The following ADAMTS20 variants were observed in gnomAD, a reference collection of about 807,000 sequenced individuals.
ADAMTS20 encodes the protein A disintegrin and metalloproteinase with thrombospondin motifs 20.
A neutral mutation model predicts 260.1 loss-of-function variants in ADAMTS20; 225 were observed. The ratio of observed to expected loss-of-function variants is 0.87; its 90% CI spans 0.78 to 0.97. The LOEUF is 0.97. ADAMTS20 is among the 50% of genes least tolerant of loss of function. The pLI, the probability that ADAMTS20 is intolerant of heterozygous loss-of-function variation, is 0.00. For missense variants in ADAMTS20, 2,400 were observed against 2,337.7 expected, an observed-to-expected ratio of 1.03 and a Z score of -0.55; for synonymous variants, 802 against 769.5, an observed-to-expected ratio of 1.04 and a Z score of -0.70.
At position 43,432,670 on chromosome 12, in the gene ADAMTS20, T is replaced by G. The variant is rs761738770; in HGVS notation, c.2862A>C (p.Lys954Asn). ...CATGGCATAGTTCTTGGGTAGGAGG[T>G]TTAAGCTGGTCACCACAGTAGTGGT... ...VDDHYCGDQL[K>N]PPTQELCHGN... Residue 954 changes from lysine to asparagine, a missense_variant, in exon 20 of 39, where the codon AAA (lysine) becomes AAC (asparagine). Transcript: ENST00000389420. 7.4e-6 allele frequency: 12 copies of G among 1,613,834 alleles called. No homozygotes were observed. The East Asian group carries it at 2.7e-4, about 36-fold the overall frequency.
intron 36 of ADAMTS20, among the ~76,000 whole-genome samples, chr12:43,371,388 G>A (rs966244614): frequency 1.2e-4 from 19 of 152,082 alleles, no homozygotes; most frequent in African/African-American, 2.4e-4. Context: ...TAGATATTGC[G>A]AACACAACAG....
chr12:43,364,280 T>C (rs1939936293), intron 37 of ADAMTS20, among the ~76,000 whole-genome samples: 1 of 152,054 alleles, frequency 6.6e-6, no homozygotes, highest in Admixed American at 6.6e-5. Flanking sequence ...GTTGCTAAAA[T>C]ACAGTACCTG....
intron 11 of ADAMTS20, among the ~76,000 whole-genome samples, chr12:43,458,928 C>T (rs1207799011): frequency 6.6e-6 from 1 of 152,122 alleles, no homozygotes; most frequent in African/African-American, 2.4e-5. Context: ...GTAAAGAGAG[C>T]TCACTAAAAT....
At chr12:43,457,504 A>G (rs1941985733) in intron 11 of ADAMTS20, among the ~76,000 whole-genome samples, 1 of 152,156 alleles carries the variant, frequency 6.6e-6, no homozygotes, top group South Asian at 2.1e-4. Flanking sequence ...ACTTATGACT[A>G]TTTACTAGAA....
intron 3 of ADAMTS20, among the ~76,000 whole-genome samples, 159 bp downstream of exon 3, chr12:43,531,877 T>G (rs1221295968): frequency 6.6e-6 from 1 of 152,110 alleles, no homozygotes; most frequent in Non-Finnish European, 1.5e-5. Flanking sequence ...CAAAGCAACA[T>G]GTCATACATG....
intron 11 of ADAMTS20, among the ~76,000 whole-genome samples, chr12:43,460,321 T>A (rs1366868799): frequency 6.6e-6 from 1 of 152,080 alleles, no homozygotes; most frequent in Non-Finnish European, 1.5e-5. Flanking sequence ...AAATGGCTAA[T>A]AAGCATATGA....
In ADAMTS20 at chr12:43,427,352, C is replaced by A. The variant is rs77744537; in HGVS notation, c.4063G>T (p.Gly1355Cys). 1.8e-4 allele frequency: 289 copies of A among 1,613,838 alleles called. No homozygotes were observed. In the East Asian group the frequency reaches 6.3e-3, roughly 35 times the overall value. ...TTCCACTGTGGACAAGGCCCTGGAC[C>A]ACATTGCTGTAACTCTGGAGGCTTG... ...ASKPPELQQC[G>C]PGPCPQWNYG... Residue 1355 changes from glycine to cysteine, a missense_variant, in exon 27 of 39, where the codon GGT becomes TGT. Physicochemically the swap from Gly to Cys is radical, Grantham distance 159. Transcript: ENST00000389420.
At chr12:43,482,582 G>A (rs768925890) in intron 7 of ADAMTS20, among the ~76,000 whole-genome samples, 4 of 152,194 alleles carry the variant, frequency 2.6e-5, no homozygotes, top group Non-Finnish European at 4.4e-5. Flanking sequence ...CCAGCAGCCA[G>A]GGAGCTGCCT....
At chr12:43,534,859 G>A (rs951287619) in intron 2 of ADAMTS20, among the ~76,000 whole-genome samples, 6 of 152,098 alleles carry the variant, frequency 3.9e-5, no homozygotes, top group Non-Finnish European at 8.8e-5. Context: ...GATAGAAGTG[G>A]GTGAAACTGG....
intron 10 of ADAMTS20, among the ~76,000 whole-genome samples, chr12:43,464,104 T>C (rs1942111460): frequency 6.6e-6 from 1 of 151,908 alleles, no homozygotes; most frequent in African/African-American, 2.4e-5. Flanking sequence ...CTATGAAAAA[T>C]CCTCAAAATA....
At chr12:43,445,311 A>G (rs1941739704) in intron 15 of ADAMTS20, among the ~76,000 whole-genome samples, 1 of 152,112 alleles carries the variant, frequency 6.6e-6, no homozygotes, top group African/African-American at 2.4e-5. Context: ...TACAGACTGT[A>G]ATAAGTATGT....
intron 37 of ADAMTS20, among the ~76,000 whole-genome samples, chr12:43,358,576 C>T (rs1355891983): frequency 4.6e-5 from 7 of 151,956 alleles, no homozygotes; most frequent in South Asian, 4.2e-4. Context: ...CGGTGGCTCA[C>T]GCCTGTAATC....
chr12:43,432,467 C>T lies in ADAMTS20; in HGVS notation c.2933G>A (p.Cys978Tyr). 6.3e-7 allele frequency: 1 copy of T among 1,589,176 alleles called. No individual in the cohort carries two copies. The highest frequency in any genetic ancestry group is 1.2e-5 in the South Asian group (1 of 86,654). ...TRWHYSEWSQ[C>Y]SRSCGGGERS... ...TTCCCCTCCTCCACAACTCCTGGAA[C>T]ACTGATTAAAAAAAAAAAAGTGGTA... Residue 978 changes from cysteine (C) to tyrosine (Y), a missense_variant and splice_region_variant, in exon 21 of 39, where the codon TGT becomes TAT. Physicochemically the swap from Cys to Tyr is radical, Grantham distance 194. Transcript: ENST00000389420.
intron 2 of ADAMTS20, among the ~76,000 whole-genome samples, chr12:43,547,258 C>T (rs1181058918): frequency 2.0e-5 from 3 of 151,726 alleles, no homozygotes; most frequent in Non-Finnish European, 2.9e-5. Context: ...CTGCCACCAG[C>T]GAAGGGAATG....
At chr12:43,488,580 G>A (rs111705309) in intron 7 of ADAMTS20, among the ~76,000 whole-genome samples, 38 of 151,970 alleles carry the variant, frequency 2.5e-4, no homozygotes, top group African/African-American at 8.2e-4. Context: ...TAGCATTTCC[G>A]GGTAAATGAA....
chr12:43,483,121 T>C (rs1444210457), intron 7 of ADAMTS20, among the ~76,000 whole-genome samples: 3 of 152,182 alleles, frequency 2.0e-5, no homozygotes, highest in Non-Finnish European at 2.9e-5. Context: ...TCAGAGCTGG[T>C]ACTGGTACCT....
chr12:43,395,067 G>A (rs1176440529), intron 29 of ADAMTS20, among the ~76,000 whole-genome samples: 2 of 151,994 alleles, frequency 1.3e-5, no homozygotes, highest in Non-Finnish European at 2.9e-5. Flanking sequence ...CCCCAAGAAA[G>A]GCCATTTTAA....
chr12:43,378,409 C>A (rs2137216223), intron 31 of ADAMTS20, among the ~76,000 whole-genome samples: 1 of 152,240 alleles, frequency 6.6e-6, no homozygotes, highest in South Asian at 2.1e-4. Flanking sequence ...CACACAGAAC[C>A]AAATATAGTG....
intron 4 of ADAMTS20, among the ~76,000 whole-genome samples, chr12:43,496,404 T>A (rs1239357255): frequency 1.3e-5 from 2 of 152,236 alleles, no homozygotes; most frequent in Non-Finnish European, 2.9e-5. Context: ...GACTACTTTA[T>A]CTGATCTTTA....
Sources: gnomAD v4.1 joint callset for allele counts (sites outside exome capture counted in the v4.1 genomes callset) on GRCh38, gnomAD v4.1.1 for gene constraint, MANE v1.5 for transcripts, NCBI Gene and HGNC (gene_info 2026-07-23, HGNC 2026-07-21) for gene names.